Variants in NBEA observed in about 807,000 individuals in gnomAD.
NBEA encodes neurobeachin.
In NBEA, 44 loss-of-function variants were observed where a neutral mutation model predicts 343.4. The observed-to-expected ratio is 0.13, with a 90% CI of 0.10 to 0.16. The LOEUF (loss-of-function observed/expected upper bound fraction) is 0.16. Among genes scored for constraint, NBEA ranks in the 10% least tolerant of loss-of-function variants. The pLI, the probability that NBEA is intolerant of heterozygous loss-of-function variation, is 1.00. For synonymous variants in NBEA, 1,175 were observed against 1,238.7 expected (o/e 0.95, Z 1.08); for missense variants, 2,555 against 3,631.3 (o/e 0.70, Z 7.62).
intron 38 of NBEA, among the ~76,000 whole-genome samples, chr13:35,392,726 G>A (rs1042503692): frequency 2.6e-5 from 4 of 152,180 alleles, no homozygotes; most frequent in African/African-American, 4.8e-5. Context: ...CAAAGCTGCC[G>A]TGAGACCTGG....
rs1011615539 is a variant in NBEA, at chr13:35,117,532, A to C, written c.2082+39A>C. ...ATATAATTTAAAATAATAGTATATT[A>C]GGTAGAAAGGAATTTCTGGCATGTT... On this transcript the variant is annotated intron_variant, in intron 14 of 58. Transcript: ENST00000379939. 9.1e-6 allele frequency: 9 copies of C among 987,064 alleles called. No homozygotes were observed. In the African/African-American group the frequency reaches 1.4e-4, roughly 15 times the overall value. 61.1% of individuals were successfully genotyped at this position (987,064 alleles called of 1,614,324 possible).
At chr13:35,555,177 AC>A (rs1337103419) in intron 44 of NBEA, 75 bp downstream of exon 44, 3 of 750,098 alleles carry the variant, frequency 4.0e-6, no homozygotes, top group Middle Eastern at 3.2e-4. Context: ...CTGATATAAT[AC>A]ATTTTTCTCT....
intron 46 of NBEA, 86 bp from the exon 47 acceptor site, chr13:35,593,242 G>A: frequency 6.9e-7 from 1 of 1,450,362 alleles, no homozygotes; most frequent in South Asian, 1.3e-5. Flanking sequence ...CATCTTGAAG[G>A]ATTTTCAAGA....
intron 39 of NBEA, 93 bp from the exon 40 acceptor site, chr13:35,451,999 T>C: frequency 1.2e-6 from 1 of 866,966 alleles, no homozygotes. Context: ...AAATGCAGCA[T>C]ATAATTTAAT....
intron 1 of NBEA, among the ~76,000 whole-genome samples, chr13:34,949,919 A>G (rs1215398490): frequency 6.6e-6 from 1 of 152,152 alleles, no homozygotes; most frequent in African/African-American, 2.4e-5. Flanking sequence ...CATGTTAAAC[A>G]TGGATATTTA....
At chr13:35,613,883 G>A (rs988853763) in intron 48 of NBEA, among the ~76,000 whole-genome samples, 29 of 152,190 alleles carry the variant, frequency 1.9e-4, no homozygotes, top group African/African-American at 6.5e-4. Context: ...TTACAGGCAT[G>A]AGCCACCAAG....
intron 34 of NBEA, among the ~76,000 whole-genome samples, chr13:35,239,567 G>A (rs2029875117): frequency 6.6e-6 from 1 of 152,044 alleles, no homozygotes; most frequent in Admixed American, 6.5e-5. Context: ...GAAGAAAGGC[G>A]ATCCAGATAT....
intron 35 of NBEA, among the ~76,000 whole-genome samples, chr13:35,307,706 G>A (rs946263295): frequency 6.6e-5 from 10 of 151,948 alleles, no homozygotes; most frequent in Non-Finnish European, 1.5e-4. Context: ...ATGGGTCTTC[G>A]TATGTAAAAA....
chr13:35,464,805 T>C (rs895040353), intron 40 of NBEA, among the ~76,000 whole-genome samples: 2 of 152,134 alleles, frequency 1.3e-5, no homozygotes, highest in African/African-American at 4.8e-5. Flanking sequence ...TTGTGTATTC[T>C]TTACCTTATA....
At chr13:35,053,799 A>G (rs1373797744) in intron 6 of NBEA, among the ~76,000 whole-genome samples, 1 of 152,286 alleles carries the variant, frequency 6.6e-6, no homozygotes, top group Admixed American at 6.5e-5. Flanking sequence ...TGCCAAATAC[A>G]TTAGGAACTT....
intron 38 of NBEA, among the ~76,000 whole-genome samples, chr13:35,384,324 T>A (rs2042140200): frequency 6.6e-6 from 1 of 152,152 alleles, no homozygotes; most frequent in Non-Finnish European, 1.5e-5. Context: ...ACCAGTAAAT[T>A]ACATCTCTGA....
chr13:35,220,685 T>C (rs1026111286), intron 33 of NBEA, among the ~76,000 whole-genome samples: 1 of 152,158 alleles, frequency 6.6e-6, no homozygotes, highest in Non-Finnish European at 1.5e-5. Flanking sequence ...CTATGATGTT[T>C]TCAGGCGCTG....
At chr13:35,155,904 A>T in intron 19 of NBEA, 49 bp downstream of exon 19, 8 of 1,547,974 alleles carry the variant, frequency 5.2e-6, no homozygotes, top group Non-Finnish European at 7.1e-6. Context: ...GCATGGCAAC[A>T]TATGAGACTA....
intron 17 of NBEA, among the ~76,000 whole-genome samples, chr13:35,126,699 A>G (rs557407946): frequency 7.2e-5 from 11 of 152,128 alleles, no homozygotes; most frequent in Admixed American, 7.2e-4. Flanking sequence ...TGGGCAGATC[A>G]ACGAGGTCAG....
chr13:35,135,914 T>TC (rs1304289831), intron 17 of NBEA, among the ~76,000 whole-genome samples: 15 of 143,608 alleles, frequency 1.0e-4, no homozygotes, highest in African/African-American at 3.9e-4. Flanking sequence ...CCCAGCCCCC[T>TC]CCCCCCTCAA....
At chr13:35,384,124 G>C (rs1236555605) in intron 38 of NBEA, among the ~76,000 whole-genome samples, 2 of 152,118 alleles carry the variant, frequency 1.3e-5, no homozygotes, top group Admixed American at 1.3e-4. Context: ...GCATGCGGAA[G>C]TCACTAAGAC....
chr13:35,074,269 G>A lies in NBEA; in HGVS notation c.1571+3417G>A, dbSNP rs1199390999. Among the ~76,000 whole-genome samples, 4 of 151,994 alleles carry A rather than the reference G, an allele frequency of 2.6e-5. No individual in the cohort carries two copies. In the East Asian group the frequency reaches 7.7e-4, roughly 29 times the overall value. ...TGAATTGGATGATTATGTAGACTGA[G>A]TACATATTCTTATTGAGTACATGTT... On this transcript the variant is annotated intron_variant, in intron 10 of 58. Coordinates refer to ENST00000379939, the MANE Select transcript of NBEA (RefSeq NM_001385012.1).
At chr13:34,968,971 C>T (rs2059914537) in intron 1 of NBEA, among the ~76,000 whole-genome samples, 1 of 144,020 alleles carries the variant, frequency 6.9e-6, no homozygotes, top group Non-Finnish European at 1.5e-5. Flanking sequence ...GTGCCTCTTA[C>T]TCCAGTAGGT....
intron 34 of NBEA, among the ~76,000 whole-genome samples, chr13:35,247,637 G>C (rs1235067691): frequency 1.3e-5 from 2 of 152,092 alleles, no homozygotes; most frequent in Non-Finnish European, 2.9e-5. Flanking sequence ...TGTTTGGGCT[G>C]TCTCCCAGGT....
Sources: gnomAD v4.1 joint callset for allele counts (sites outside exome capture counted in the v4.1 genomes callset) on GRCh38, gnomAD v4.1.1 for gene constraint, MANE v1.5 for transcripts, NCBI Gene and HGNC (gene_info 2026-07-23, HGNC 2026-07-21) for gene names.